The following PLXDC1 variants were observed in gnomAD, a reference collection of about 807,000 sequenced individuals.
PLXDC1 encodes the protein plexin domain containing 1, also known as plexin domain-containing protein 1.
PLXDC1 carries 39 observed loss-of-function variants against 61.3 expected under a neutral mutation model. That is an observed-to-expected ratio of 0.64 (90% CI 0.49 to 0.83). PLXDC1 has a LOEUF of 0.83. Ranked by LOEUF, PLXDC1 falls within the 40% of genes least tolerant of loss-of-function variation. The probability of loss-of-function intolerance (pLI) is 0.00; values close to 1 mark genes in which losing one functional copy is unlikely to be tolerated. For synonymous variants in PLXDC1, 212 were observed against 254.5 expected, an observed-to-expected ratio of 0.83 and a Z score of 1.59; for missense variants, 596 against 666.5, an observed-to-expected ratio of 0.89 and a Z score of 1.17.
chr17:39,122,115 G>A (rs1240065092), intron 2 of PLXDC1, among the ~76,000 whole-genome samples: 22 of 144,150 alleles, frequency 1.5e-4, no homozygotes, highest in Non-Finnish European at 2.6e-4. Context: ...AAAAAAAGGG[G>A]GGGGGGACTG....
intron 7 of PLXDC1, among the ~76,000 whole-genome samples, chr17:39,103,334 G>A (rs1910489704): frequency 6.6e-6 from 1 of 152,098 alleles, no homozygotes; most frequent in African/African-American, 2.4e-5. Flanking sequence ...CCAGGAGTTT[G>A]AGACCACCCC....
At chr17:39,078,905 C>A (rs182259141) in intron 10 of PLXDC1, among the ~76,000 whole-genome samples, 199 bp downstream of exon 10, 1 of 152,292 alleles carries the variant, frequency 6.6e-6, no homozygotes, top group Non-Finnish European at 1.5e-5. Flanking sequence ...TCTCAGAGAC[C>A]CACAGAGCCC....
At chr17:39,103,571 C>T (rs928934591) in intron 7 of PLXDC1, among the ~76,000 whole-genome samples, 4 of 151,832 alleles carry the variant, frequency 2.6e-5, no homozygotes, top group Admixed American at 2.6e-4. Context: ...CATGGCTGGG[C>T]GCGGTGGCTG....
At chr17:39,080,507 TGTGA>T (rs1909515151) in intron 9 of PLXDC1, 1 of 152,146 alleles carries the variant, frequency 6.6e-6, no homozygotes, top group African/African-American at 2.4e-5. Flanking sequence ...TCTGGGAGGC[TGTGA>T]AAGGCAAAGT....
At position 39,128,117 on chromosome 17, in the gene PLXDC1, A is replaced by G. The variant is rs867428920; in HGVS notation, c.255+11537T>C. On this transcript the variant is annotated intron_variant, in intron 2 of 13. Coordinates refer to ENST00000315392, the MANE Select transcript of PLXDC1 (RefSeq NM_020405.5). ...TATGTGTATATATATATATATATGT[A>G]TATATATATGTGTATATATATGTAT... Among the ~76,000 whole-genome samples, 155 of 96,288 alleles carry G rather than the reference A, an allele frequency of 1.6e-3. 2 individuals carry two copies. Among genetic ancestry groups the G allele is most frequent in the Middle Eastern group, 4.8e-3 (1 of 208 alleles). 63.2% of individuals were successfully genotyped at this position (96,288 alleles called of 152,430 possible).
At chr17:39,092,141 C>T (rs918678804) in intron 7 of PLXDC1, among the ~76,000 whole-genome samples, 2 of 152,002 alleles carry the variant, frequency 1.3e-5, no homozygotes, top group African/African-American at 4.8e-5. Flanking sequence ...TGTAATGGCG[C>T]AATCACAGTT....
upstream of PLXDC1, chr17:39,152,736 G>A (rs1461682999): frequency 1.8e-5 from 21 of 1,196,106 alleles, no homozygotes; most frequent in Admixed American, 2.1e-4. Flanking sequence ...GGTACACTGT[G>A]GGCTGGAAGA....
At chr17:39,073,174 G>A (rs1449402844) in intron 11 of PLXDC1, 5 of 152,038 alleles carry the variant, frequency 3.3e-5, no homozygotes, top group African/African-American at 9.7e-5. Flanking sequence ...TCAGCCTCCC[G>A]AGTAGCTGCG....
intron 1 of PLXDC1, among the ~76,000 whole-genome samples, chr17:39,148,231 A>G (rs1425525352): frequency 6.6e-6 from 1 of 152,030 alleles, no homozygotes; most frequent in Non-Finnish European, 1.5e-5. Flanking sequence ...TTAAAAAAAG[A>G]TGGGACCTCG....
intron 1 of PLXDC1, among the ~76,000 whole-genome samples, chr17:39,148,303 A>T (rs931955613): frequency 8.5e-5 from 13 of 152,290 alleles, no homozygotes; most frequent in African/African-American, 3.1e-4. Context: ...TCCTGGGCTC[A>T]AACGATCCTC....
At chr17:39,123,991 A>G (rs1174365606) in intron 2 of PLXDC1, among the ~76,000 whole-genome samples, 1 of 152,060 alleles carries the variant, frequency 6.6e-6, no homozygotes, top group Non-Finnish European at 1.5e-5. Context: ...TACTGTGGGG[A>G]GGGGGACATC....
chr17:39,095,909 C>CT (rs1910176691), intron 7 of PLXDC1, among the ~76,000 whole-genome samples: 1 of 152,194 alleles, frequency 6.6e-6, no homozygotes, highest in African/African-American at 2.4e-5. Flanking sequence ...AAACGATCCA[C>CT]CCGCCTCGGC....
chr17:39,088,404 C>T lies in PLXDC1; in HGVS notation c.812-702G>A, dbSNP rs149841465. On this transcript the variant is annotated intron_variant, in intron 7 of 13. Coordinates refer to ENST00000315392, the MANE Select transcript of PLXDC1 (RefSeq NM_020405.5). ...ACCTCAGAGTCAGGAGATCCAAGTTCGTTCTAGTTCTGCTCACGACTTGCT... is the reference window on the plus strand; with the variant it reads ...ACCTCAGAGTCAGGAGATCCAAGTTTGTTCTAGTTCTGCTCACGACTTGCT... Among the ~76,000 whole-genome samples, 14 of 152,324 alleles carry T rather than the reference C, an allele frequency of 9.2e-5. No individual in the cohort carries two copies. The East Asian group carries it at 2.7e-3, about 29-fold the overall frequency.
upstream of PLXDC1, chr17:39,152,661 G>A: frequency 8.1e-7 from 1 of 1,237,874 alleles, no homozygotes; most frequent in East Asian, 3.2e-5. Context: ...GAGAGGAAGG[G>A]TGCGAACGCT....
At chr17:39,139,032 A>G (rs1411566091) in intron 2 of PLXDC1, among the ~76,000 whole-genome samples, 1 of 152,134 alleles carries the variant, frequency 6.6e-6, no homozygotes, top group Non-Finnish European at 1.5e-5. Context: ...ACGCACAATT[A>G]TATTAATAGA....
chr17:39,073,570 G>C (rs1195810013), intron 11 of PLXDC1, among the ~76,000 whole-genome samples: 1 of 152,196 alleles, frequency 6.6e-6, no homozygotes, highest in Non-Finnish European at 1.5e-5. Context: ...ACTGAAGGTG[G>C]CCACACTGTG....
intron 2 of PLXDC1, among the ~76,000 whole-genome samples, chr17:39,125,513 G>T (rs1452529740): frequency 6.6e-6 from 1 of 152,208 alleles, no homozygotes; most frequent in Non-Finnish European, 1.5e-5. Context: ...TTGAGGGATT[G>T]TGATAGGGTA....
chr17:39,098,475 T>G (rs1392937271), intron 7 of PLXDC1, among the ~76,000 whole-genome samples: 4 of 152,200 alleles, frequency 2.6e-5, no homozygotes, highest in Non-Finnish European at 2.9e-5. Flanking sequence ...TTACTCATTT[T>G]CTAAAAATGT....
At chr17:39,071,766 C>T (rs1262806774) in intron 12 of PLXDC1, among the ~76,000 whole-genome samples, 1 of 152,142 alleles carries the variant, frequency 6.6e-6, no homozygotes, top group African/African-American at 2.4e-5. Flanking sequence ...TGGGGGACAC[C>T]ATCACACTGT....
Sources: allele counts gnomAD v4.1 joint callset (sites outside exome capture counted in the v4.1 genomes callset), GRCh38; gene constraint gnomAD v4.1.1; transcripts MANE v1.5; gene names NCBI Gene and HGNC (gene_info 2026-07-23, HGNC 2026-07-21).